The following CRY1 variants were observed in gnomAD, a reference collection of about 807,000 sequenced individuals.
CRY1 encodes cryptochrome-1.
In CRY1, 45 loss-of-function variants were observed where a neutral mutation model predicts 76.0. The ratio of observed to expected loss-of-function variants is 0.59; its 90% confidence interval spans 0.47 to 0.76. CRY1 has a LOEUF of 0.76. Ranked by LOEUF, CRY1 falls within the 30% of genes least tolerant of loss-of-function variation. CRY1 has a pLI of 0.00. For missense variants in CRY1, 587 were observed against 716.4 expected (o/e 0.82, Z 2.06); for synonymous variants, 248 against 244.0 (o/e 1.02, Z -0.15).
intron 2 of CRY1, among the ~76,000 whole-genome samples, chr12:107,017,594 T>G (rs1952511013): frequency 6.6e-6 from 1 of 152,204 alleles, no homozygotes; most frequent in African/African-American, 2.4e-5. Context: ...CCAGGCTTTC[T>G]TACATGATAG....
chr12:107,079,514 T>G (rs530384194), intron 1 of CRY1, among the ~76,000 whole-genome samples: 1 of 152,278 alleles, frequency 6.6e-6, no homozygotes, highest in Admixed American at 6.5e-5. Flanking sequence ...TTCTTTTTGC[T>G]TAAGCCTGTT....
At chr12:107,059,284 T>G (rs1953021406) in intron 1 of CRY1, among the ~76,000 whole-genome samples, 1 of 152,172 alleles carries the variant, frequency 6.6e-6, no homozygotes, top group African/African-American at 2.4e-5. Context: ...CAGGGTCTTG[T>G]TCTGTTGCCC....
intron 1 of CRY1, among the ~76,000 whole-genome samples, chr12:107,051,080 A>G (rs1952913710): frequency 6.6e-6 from 1 of 152,240 alleles, no homozygotes; most frequent in Admixed American, 6.5e-5. Context: ...AAAAATTTCA[A>G]ACAAGAGGGT....
chr12:107,086,047 T>C (rs751477509), intron 1 of CRY1, among the ~76,000 whole-genome samples: 5 of 152,190 alleles, frequency 3.3e-5, no homozygotes, highest in Non-Finnish European at 7.4e-5. Context: ...AATGGCCACA[T>C]TATATGTTAT....
At chr12:107,067,993 CA>C (rs1171171365) in intron 1 of CRY1, among the ~76,000 whole-genome samples, 1 of 152,150 alleles carries the variant, frequency 6.6e-6, no homozygotes, top group East Asian at 1.9e-4. Context: ...CTATTATACA[CA>C]GAATTTTTCT....
At chr12:107,014,980 T>C (rs1363419185) in intron 2 of CRY1, among the ~76,000 whole-genome samples, 2 of 152,086 alleles carry the variant, frequency 1.3e-5, no homozygotes, top group Non-Finnish European at 2.9e-5. Context: ...TGGGTTCAAG[T>C]GTTTCTCCTG....
chr12:107,051,750 T>G (rs1035596534), intron 1 of CRY1, among the ~76,000 whole-genome samples: 14 of 152,128 alleles, frequency 9.2e-5, no homozygotes, highest in Non-Finnish European at 2.1e-4. Context: ...CTAGCACAAG[T>G]CTATATAACT....
intron 1 of CRY1, among the ~76,000 whole-genome samples, chr12:107,079,607 C>A (rs926829130): frequency 6.6e-6 from 1 of 152,146 alleles, no homozygotes; most frequent in Non-Finnish European, 1.5e-5. Context: ...TCAGCTACAT[C>A]AGCCTCCTCA....
chr12:107,084,915 T>C (rs147370609), intron 1 of CRY1, among the ~76,000 whole-genome samples: 1,884 of 151,216 alleles, frequency 0.012, 33 homozygotes, highest in African/African-American at 0.043. Context: ...ATTTTTGCAA[T>C]CTATCCATCT....
At chr12:107,044,139 G>A (rs571089452) in intron 1 of CRY1, among the ~76,000 whole-genome samples, 1 of 152,282 alleles carries the variant, frequency 6.6e-6, no homozygotes, top group South Asian at 2.1e-4. Flanking sequence ...ACAGGGTCAT[G>A]AGACCCTGAG....
chr12:107,091,416 A>G (rs1953470628), intron 1 of CRY1, among the ~76,000 whole-genome samples: 1 of 151,998 alleles, frequency 6.6e-6, no homozygotes, highest in South Asian at 2.1e-4. Context: ...GCATCTGTTT[A>G]TTTCTCACCA....
chr12:107,000,000 C>T lies in CRY1; in HGVS notation c.767G>A (p.Arg256Gln), dbSNP rs149558160. ...ASPTGLSPYLRFGCLSCRLFY... is the reference protein window; with the variant it reads ...ASPTGLSPYLQFGCLSCRLFY... ...CAGTCGACATGACAAACAACCAAAT[C>T]GGAGATAAGGACTAAGTCCAGTAGG... The change falls in exon 6 of 13, where the codon CGA (arginine) becomes CAA (glutamine). Residue 256 changes from arginine to glutamine, a missense_variant. By Grantham distance (43) the Arg-to-Gln change is conservative. Transcript: ENST00000008527. The T allele has an allele frequency of 8.9e-5, 144 of 1,612,794 alleles. No homozygotes were observed. The highest frequency in any genetic ancestry group is 1.2e-4 in the Non-Finnish European group (137 of 1,179,822).
chr12:107,006,557 G>A (rs548389717), intron 2 of CRY1, among the ~76,000 whole-genome samples: 1 of 151,176 alleles, frequency 6.6e-6, no homozygotes, highest in East Asian at 2.0e-4. Flanking sequence ...GTACCAGAAA[G>A]ACTGTACAAA....
chr12:107,091,740 C>G (rs1819043399), intron 1 of CRY1, among the ~76,000 whole-genome samples: 1 of 152,200 alleles, frequency 6.6e-6, no homozygotes, highest in Non-Finnish European at 1.5e-5. Flanking sequence ...TCCAGACATA[C>G]TGGATTCTTC....
chr12:107,001,252 C>T (rs755050739), intron 5 of CRY1, 28 bp downstream of exon 5: 3 of 1,507,506 alleles, frequency 2.0e-6, no homozygotes, highest in Non-Finnish European at 2.7e-6. Flanking sequence ...GAAATACAAG[C>T]ATAGCTATAT....
chr12:107,064,463 G>A (rs1484016778), intron 1 of CRY1, among the ~76,000 whole-genome samples: 3 of 152,196 alleles, frequency 2.0e-5, no homozygotes, highest in African/African-American at 7.2e-5. Flanking sequence ...CAAGGATGAG[G>A]AGCAGCTGGT....
At chr12:107,019,447 T>C (rs750307230) in intron 2 of CRY1, among the ~76,000 whole-genome samples, 1 of 152,172 alleles carries the variant, frequency 6.6e-6, no homozygotes, top group Non-Finnish European at 1.5e-5. Flanking sequence ...TATTTGTATA[T>C]TAGGGCCCAT....
chr12:107,059,673 T>C (rs948321368), intron 1 of CRY1, among the ~76,000 whole-genome samples: 1 of 151,820 alleles, frequency 6.6e-6, no homozygotes, highest in South Asian at 2.1e-4. Context: ...ATCCAACCAG[T>C]AGATGATGTA....
chr12:106,999,878 AAAG>A lies in CRY1; in HGVS notation c.826-19_826-17del, dbSNP rs1952283283. The A allele has an allele frequency of 1.9e-6, 3 of 1,596,752 alleles. No individual in the cohort carries two copies. Among genetic ancestry groups the A allele is most frequent in the Non-Finnish European group, 2.6e-6 (3 of 1,174,498 alleles). On this transcript the variant is annotated splice_polypyrimidine_tract_variant and intron_variant, in intron 6 of 12. Coordinates refer to ENST00000008527, the MANE Select transcript of CRY1 (RefSeq NM_004075.5). ...TCTTCTTTACCTATGGTTAAAAAGCAAAGAAGTATTATCAGAATTTTTTTTTAA... is the reference window on the plus strand; with the variant it reads ...TCTTCTTTACCTATGGTTAAAAAGCAAAGTATTATCAGAATTTTTTTTTAA...
Sources: allele counts gnomAD v4.1 joint callset (sites outside exome capture counted in the v4.1 genomes callset), GRCh38; gene constraint gnomAD v4.1.1; transcripts MANE v1.5; gene names NCBI Gene and HGNC (gene_info 2026-07-23, HGNC 2026-07-21).